SAMMSON: variants seen among roughly 807,000 people sequenced by gnomAD.
SAMMSON encodes survival associated mitochondrial melanoma specific oncogenic non-coding RNA, also known as long intergenic non-protein coding RNA 1212.
At chr3:70,381,223 C>T (rs1215833311) in intron 9 of SAMMSON, among the ~76,000 whole-genome samples, 1 of 152,162 alleles carries the variant, frequency 6.6e-6, no homozygotes, top group Admixed American at 6.5e-5. Flanking sequence ...AAGCATATTT[C>T]CTGCCTTTCC....
intron 9 of SAMMSON, among the ~76,000 whole-genome samples, chr3:70,379,746 G>A (rs533172327): frequency 6.6e-6 from 1 of 152,126 alleles, no homozygotes; most frequent in East Asian, 1.9e-4. Context: ...ACGAGTCTGG[G>A]CAACTAATTT....
intron 4 of SAMMSON, among the ~76,000 whole-genome samples, chr3:70,129,337 A>G (rs985469472): frequency 6.6e-6 from 1 of 152,220 alleles, no homozygotes; most frequent in African/African-American, 2.4e-5. Context: ...ACCTTAAAAG[A>G]TAAACATTTT....
chr3:70,418,813 G>A (rs2106772766), intron 2 of SAMMSON, among the ~76,000 whole-genome samples: 1 of 152,156 alleles, frequency 6.6e-6, no homozygotes, highest in East Asian at 1.9e-4. Context: ...TGGGAAAGAG[G>A]TAGTGAGCTA....
intron 9 of SAMMSON, among the ~76,000 whole-genome samples, chr3:70,371,351 A>G (rs568281369): frequency 1.3e-5 from 2 of 152,064 alleles, no homozygotes; most frequent in South Asian, 4.2e-4. Context: ...TCCATGAAAA[A>G]TTACATTGGT....
chr3:70,142,993 C>G (rs983958187), intron 4 of SAMMSON, among the ~76,000 whole-genome samples: 1 of 152,126 alleles, frequency 6.6e-6, no homozygotes, highest in Non-Finnish European at 1.5e-5. Context: ...AAGACAAGGA[C>G]ACAGAATGAT....
At chr3:70,125,791 T>G in intron 4 of SAMMSON, 1 of 655,856 alleles carries the variant, frequency 1.5e-6, no homozygotes. Flanking sequence ...CACATGGCGC[T>G]GCCTTATTGT....
At chr3:70,297,154 A>G (rs1260104547) in intron 7 of SAMMSON, among the ~76,000 whole-genome samples, 1 of 152,128 alleles carries the variant, frequency 6.6e-6, no homozygotes, top group African/African-American at 2.4e-5. Context: ...TTTTATGCAC[A>G]GTACACTGCT....
At chr3:70,177,824 T>G in intron 4 of SAMMSON, among the ~76,000 whole-genome samples, 1 of 152,176 alleles carries the variant, frequency 6.6e-6, no homozygotes, top group South Asian at 2.1e-4. Context: ...CCTTCTCAAG[T>G]GTCCACTTAT....
chr3:70,240,996 A>T (rs1458334202), intron 4 of SAMMSON, among the ~76,000 whole-genome samples: 1 of 152,100 alleles, frequency 6.6e-6, no homozygotes, highest in African/African-American at 2.4e-5. Flanking sequence ...ACAGTCAAGG[A>T]TATTCATTTT....
At chr3:70,295,353 G>A (rs1261916194) in intron 7 of SAMMSON, among the ~76,000 whole-genome samples, 2 of 152,120 alleles carry the variant, frequency 1.3e-5, no homozygotes, top group Non-Finnish European at 2.9e-5. Context: ...TCAAATATAG[G>A]TATGTGTGAT....
At position 70,237,675 on chromosome 3, in the gene SAMMSON, C is replaced by A. The variant is rs75634251; in HGVS notation, n.508-11432C>A. On this transcript the variant is annotated intron_variant and non_coding_transcript_variant, in intron 4 of 9. Transcript: ENST00000642114. Reference sequence around the variant, plus strand: ...GCCTAAATAGGGAAAAGATTGTTAACCTTTTGTTATCTAACATGTATACAC... The same window carrying A: ...GCCTAAATAGGGAAAAGATTGTTAAACTTTTGTTATCTAACATGTATACAC... 8.6e-3 allele frequency among the ~76,000 whole-genome samples: 1,308 copies of A among 152,310 alleles called. 23 individuals are homozygous for A. The highest frequency in any genetic ancestry group is 0.03 in the African/African-American group (1,234 of 41,568).
chr3:70,380,755 C>T (rs1022757624), intron 9 of SAMMSON, among the ~76,000 whole-genome samples: 2 of 151,810 alleles, frequency 1.3e-5, no homozygotes, highest in Middle Eastern at 3.2e-3. Context: ...CAAGTGTTCT[C>T]ATTGTTCAAT....
intron 6 of SAMMSON, among the ~76,000 whole-genome samples, chr3:70,276,989 T>G (rs1277198853): frequency 6.6e-6 from 1 of 152,198 alleles, no homozygotes; most frequent in Non-Finnish European, 1.5e-5. Flanking sequence ...TATTCTTTCT[T>G]AAGGAACTCT....
In SAMMSON at chr3:70,145,274, C is replaced by T. The variant is rs1009709507; in HGVS notation, n.507+73709C>T. On this transcript the variant is annotated intron_variant and non_coding_transcript_variant, in intron 4 of 9. Transcript: ENST00000642114. ...AATTGTAGTTGGAGATTTTAAACTT[C>T]CTCTTAAAGCAATTGAAAAACCTAG... Among the ~76,000 whole-genome samples the T allele has an allele frequency of 5.9e-5, 9 of 152,102 alleles. No homozygotes were observed. In the East Asian group the frequency reaches 1.5e-3, roughly 26 times the overall value.
Position 70,366,854 on chromosome 3 carries a change from T to C in SAMMSON, n.913+8530T>C, listed in dbSNP as rs528324703. Among the ~76,000 whole-genome samples, 3 of 151,918 alleles carry C rather than the reference T, an allele frequency of 2.0e-5. No homozygotes were observed. The East Asian group carries it at 5.8e-4, about 29-fold the overall frequency. On this transcript the variant is annotated intron_variant and non_coding_transcript_variant, in intron 9 of 9. Transcript: ENST00000642114. ...CAGGAATTGTGCTCCTATTATATTTTGAATTATAGCCATTCTAATATATGT... is the reference window on the plus strand; with the variant it reads ...CAGGAATTGTGCTCCTATTATATTTCGAATTATAGCCATTCTAATATATGT...
Position 70,093,232 on chromosome 3 carries a change from C to T in SAMMSON, n.507+21667C>T, listed in dbSNP as rs759376922. ...GAATAATGCGCACTGACAGAGAGCA[C>T]ACTCAATGTCAGGCAGTGAGTCAAA... is the stretch of plus-strand genomic sequence containing the variant. On this transcript the variant is annotated intron_variant and non_coding_transcript_variant, in intron 4 of 9. Coordinates refer to ENST00000642114, the Ensembl canonical transcript of SAMMSON. Among the ~76,000 whole-genome samples the T allele has an allele frequency of 3.3e-5, 5 of 152,164 alleles. No individual in the cohort carries two copies. The South Asian group carries it at 6.2e-4, about 19-fold the overall frequency.
At chr3:70,279,491 T>A (rs1283806813) in intron 6 of SAMMSON, among the ~76,000 whole-genome samples, 1 of 152,124 alleles carries the variant, frequency 6.6e-6, no homozygotes, top group Admixed American at 6.5e-5. Context: ...ACACAAATCT[T>A]GTGCACTTTC....
At chr3:70,072,097 C>G (rs1285000055) in intron 4 of SAMMSON, 5 of 151,950 alleles carry the variant, frequency 3.3e-5, no homozygotes, top group Admixed American at 2.0e-4. Context: ...TTTCTTTCTC[C>G]TTTCTCTCTT....
intron 2 of SAMMSON, among the ~76,000 whole-genome samples, chr3:70,398,558 A>G (rs1261475130): frequency 6.6e-6 from 1 of 152,222 alleles, no homozygotes; most frequent in Non-Finnish European, 1.5e-5. Flanking sequence ...GTGTTTGACC[A>G]GTTTAAGTAG....
Sources: gnomAD v4.1 joint callset for allele counts (sites outside exome capture counted in the v4.1 genomes callset) on GRCh38, gnomAD v4.1.1 for gene constraint, MANE v1.5 for transcripts, NCBI Gene and HGNC (gene_info 2026-07-23, HGNC 2026-07-21) for gene names.